Variants in SOX5 observed in about 807,000 individuals in gnomAD.
SOX5 encodes the protein SRY-box transcription factor 5.
SOX5 carries 9 observed loss-of-function variants against 92.0 expected under a neutral mutation model. That is an observed-to-expected ratio of 0.10 (90% confidence interval 0.06 to 0.17). The LOEUF (loss-of-function observed/expected upper bound fraction) is 0.17. Ranked by LOEUF, SOX5 falls within the 10% of genes least tolerant of loss-of-function variation. The pLI, the probability that SOX5 is intolerant of heterozygous loss-of-function variation, is 1.00. For missense variants in SOX5, 642 were observed against 944.5 expected, an observed-to-expected ratio of 0.68 and a Z score of 4.20; for synonymous variants, 344 against 336.3, an observed-to-expected ratio of 1.02 and a Z score of -0.25.
chr12:24,221,763 T>C (rs890860249), intron 3 of SOX5, among the ~76,000 whole-genome samples: 5 of 152,160 alleles, frequency 3.3e-5, no homozygotes, highest in Non-Finnish European at 1.5e-5. Context: ...CAAAAACAGT[T>C]TGTAGACAAG....
rs1306320819 is a variant in SOX5, at chr12:24,039,109, T to C, written c.-1-143085A>G. Among the ~76,000 whole-genome samples, 5 of 152,228 alleles carry C rather than the reference T, an allele frequency of 3.3e-5. No individual in the cohort carries two copies. The South Asian group carries it at 8.3e-4, about 25-fold the overall frequency. On this transcript the variant is annotated intron_variant, in intron 4 of 4. Transcript: ENST00000446891. ...TTCCCATATCCCTGGCAGGATAAAA[T>C]AGCATTTCTAATGGTAAATACTAAA...
rs372159938 is a variant in SOX5 at position 24,021,439 on chromosome 12, C to A, written c.-1-125415G>T. Among the ~76,000 whole-genome samples, 42 of 152,236 alleles carry A rather than the reference C, an allele frequency of 2.8e-4. 1 individual carries two copies. The South Asian group carries it at 8.5e-3, about 31-fold the overall frequency. Reference sequence around the variant, plus strand: ...GGGATTAAGTGGTTTGAAGATGTGACGACTTACATACACCACAGCATTAAC... The same window carrying A: ...GGGATTAAGTGGTTTGAAGATGTGAAGACTTACATACACCACAGCATTAAC... On this transcript the variant is annotated intron_variant, in intron 4 of 4. Coordinates refer to the SOX5 transcript ENST00000446891.
At position 23,875,060 on chromosome 12, in the gene SOX5, C is replaced by T. The variant is rs1463031457; in HGVS notation, c.270+20733G>A. Among the ~76,000 whole-genome samples the T allele has an allele frequency of 2.0e-5, 3 of 152,128 alleles. No homozygotes were observed. In the East Asian group the frequency reaches 5.8e-4, roughly 29 times the overall value. ...TCCTAGTGCTGGCCCAAGGTTATGA[C>T]CACAAGACAGTGGATTTTCTCTGTG... is the stretch of plus-strand genomic sequence containing the variant. On this transcript the variant is annotated intron_variant, in intron 2 of 14. Coordinates refer to ENST00000451604, the MANE Select transcript of SOX5 (RefSeq NM_006940.6).
intron 2 of SOX5, among the ~76,000 whole-genome samples, chr12:23,869,510 C>T (rs1052438572): frequency 2.6e-5 from 4 of 152,028 alleles, no homozygotes; most frequent in African/African-American, 9.7e-5. Flanking sequence ...ACCAGCCTAC[C>T]GCCCTACTTC....
intron 1 of SOX5, among the ~76,000 whole-genome samples, chr12:24,506,992 T>A (rs7135095): frequency 0.65 from 98,775 of 151,164 alleles, 33,179 homozygotes; most frequent in East Asian, 0.97. Flanking sequence ...GGGTTTCACC[T>A]TGTTAGCCAG....
chr12:23,780,955 G>A (rs140869990), intron 3 of SOX5, among the ~76,000 whole-genome samples: 3 of 152,026 alleles, frequency 2.0e-5, no homozygotes, highest in Non-Finnish European at 1.5e-5. Context: ...CTGAAAGGGA[G>A]GAAGAATCAG....
chr12:24,499,697 AGG>A (rs1947997778), intron 1 of SOX5, among the ~76,000 whole-genome samples: 1 of 152,096 alleles, frequency 6.6e-6, no homozygotes, highest in African/African-American at 2.4e-5. Flanking sequence ...GTCCTAGTCC[AGG>A]CGAAGGATGC....
intron 1 of SOX5, among the ~76,000 whole-genome samples, chr12:24,411,503 G>T (rs926081312): frequency 6.6e-6 from 1 of 152,086 alleles, no homozygotes; most frequent in Non-Finnish European, 1.5e-5. Context: ...TTTTCTGAGA[G>T]TTTTTCTCAT....
rs1197309791 is a variant in SOX5, at chr12:23,837,264, ATATATAATATGTATTTATATTTATATT to A, written c.481+8692_481+8718del. ...TATAATATATATTTATATTTATATA[ATATATAATATGTATTTATATTTATATT>A]TATATAATATATAAGATATATTTAT... On this transcript the variant is annotated intron_variant, in intron 3 of 14. Coordinates refer to ENST00000451604, the MANE Select transcript of SOX5 (RefSeq NM_006940.6). 0.047 allele frequency among the ~76,000 whole-genome samples: 3,561 copies of A among 74,984 alleles called. 569 individuals carry two copies. In the East Asian group the frequency reaches 0.51, roughly 11 times the overall value. The allele number at this position is 74,984 out of a possible 152,430, so 49.2% of individuals were successfully genotyped here. A position where few individuals can be genotyped will look rare whatever the true frequency, so the allele number is the denominator to read the frequency against.
chr12:23,853,514 G>C (rs1252975445), intron 2 of SOX5, among the ~76,000 whole-genome samples: 1 of 149,810 alleles, frequency 6.7e-6, no homozygotes, highest in Non-Finnish European at 1.5e-5. Flanking sequence ...TTTTCATGTA[G>C]ATGCTGCATG....
intron 2 of SOX5, among the ~76,000 whole-genome samples, chr12:24,295,587 G>A (rs1304199818): frequency 6.6e-6 from 1 of 152,168 alleles, no homozygotes; most frequent in African/African-American, 2.4e-5. Flanking sequence ...TGTTTGGAAT[G>A]GAGTCTTGCT....
intron 2 of SOX5, among the ~76,000 whole-genome samples, chr12:24,305,270 G>C (rs1011845494): frequency 1.3e-5 from 2 of 152,202 alleles, no homozygotes; most frequent in Admixed American, 6.5e-5. Context: ...GATCTCTCCA[G>C]GGATTGCTAA....
At chr12:24,284,527 G>A (rs35157827) in intron 2 of SOX5, among the ~76,000 whole-genome samples, 19,325 of 151,930 alleles carry the variant, frequency 0.13, 1,505 homozygotes, top group Non-Finnish European at 0.18. Context: ...AGAGATACTA[G>A]TAAAACAAAC....
chr12:24,395,970 A>T (rs1032115549), intron 1 of SOX5, among the ~76,000 whole-genome samples: 2 of 152,208 alleles, frequency 1.3e-5, no homozygotes, highest in Non-Finnish European at 2.9e-5. Context: ...TGCTGCTATG[A>T]GAAGGAGGCT....
At chr12:24,442,613 G>A (rs995846881) in intron 1 of SOX5, among the ~76,000 whole-genome samples, 3 of 152,186 alleles carry the variant, frequency 2.0e-5, no homozygotes, top group African/African-American at 7.2e-5. Context: ...CACAAAACTA[G>A]GAGGTGGTAA....
chr12:24,128,478 A>G (rs1354908168), intron 4 of SOX5, among the ~76,000 whole-genome samples: 1 of 152,234 alleles, frequency 6.6e-6, no homozygotes, highest in African/African-American at 2.4e-5. Flanking sequence ...GTAAAGAGTG[A>G]GCGACAATTT....
intron 1 of SOX5, among the ~76,000 whole-genome samples, chr12:24,536,315 C>T (rs1378219404): frequency 1.3e-5 from 2 of 152,168 alleles, no homozygotes; most frequent in East Asian, 3.9e-4. Flanking sequence ...CAGCAGTGTG[C>T]TAGCACAAGT....
Position 23,977,783 on chromosome 12 carries a change from G to C in SOX5, c.-1-81759C>G, listed in dbSNP as rs114671046. Among the ~76,000 whole-genome samples the C allele has an allele frequency of 9.9e-3, 1,260 of 127,378 alleles. 24 individuals carry two copies. Among genetic ancestry groups the C allele is most frequent in the African/African-American group, 0.031 (1,198 of 38,598 alleles). The allele number at this position is 127,378 out of a possible 152,430, so 83.6% of individuals were successfully genotyped here. A position where few individuals can be genotyped will look rare whatever the true frequency, so the allele number is the denominator to read the frequency against. On this transcript the variant is annotated intron_variant, in intron 4 of 4. Coordinates refer to the SOX5 transcript ENST00000446891. The stretch of plus-strand genomic sequence containing the variant: ...TAAGAAAAGAAAAAAATAAATAAAT[G>C]CCTTCCTTGTTCCTCTTGAACCATA...
At chr12:23,762,714 A>C in intron 3 of SOX5, 1 of 427,664 alleles carries the variant, frequency 2.3e-6, no homozygotes, top group Non-Finnish European at 4.1e-6. Context: ...CATAGGCTTA[A>C]ATTTTCTTGT....
Sources: gnomAD v4.1 joint callset for allele counts (sites outside exome capture counted in the v4.1 genomes callset) on GRCh38, gnomAD v4.1.1 for gene constraint, MANE v1.5 for transcripts, NCBI Gene and HGNC (gene_info 2026-07-23, HGNC 2026-07-21) for gene names.